Variants in MGRN1 observed in about 807,000 individuals in gnomAD.
MGRN1 encodes E3 ubiquitin-protein ligase MGRN1.
MGRN1 carries 29 observed loss-of-function variants against 69.2 expected under a neutral mutation model. The ratio of observed to expected loss-of-function variants is 0.42; its 90% CI spans 0.31 to 0.57. The LOEUF (loss-of-function observed/expected upper bound fraction) is 0.57, where lower values mean the gene tolerates loss of function less well. Ranked by LOEUF, MGRN1 falls within the 20% of genes least tolerant of loss-of-function variation. The pLI is 0.15. For synonymous variants in MGRN1, 470 were observed against 344.2 expected (o/e 1.37, Z -4.04); for missense variants, 998 against 796.2 (o/e 1.25, Z -3.05).
At chr16:4,686,972 C>A (rs778235149) in intron 16 of MGRN1, 1 of 985,456 alleles carries the variant, frequency 1.0e-6, no homozygotes, top group South Asian at 4.7e-5. Context: ...GAGTATCTTG[C>A]GTCCTGTCCT....
At chr16:4,641,199 C>A (rs906841797) in intron 1 of MGRN1, among the ~76,000 whole-genome samples, 6 of 152,372 alleles carry the variant, frequency 3.9e-5, no homozygotes, top group African/African-American at 1.4e-4. Flanking sequence ...ACATGTGTGT[C>A]ATTCTTCTTG....
At chr16:4,664,656 C>A in intron 5 of MGRN1, 53 bp from the exon 6 acceptor site, 1 of 1,589,398 alleles carries the variant, frequency 6.3e-7, no homozygotes, top group Non-Finnish European at 8.6e-7. Flanking sequence ...CGACTCCAGG[C>A]TTCCAGGCTT....
At chr16:4,642,570 C>T (rs940690358) in intron 1 of MGRN1, among the ~76,000 whole-genome samples, 4 of 151,742 alleles carry the variant, frequency 2.6e-5, no homozygotes, top group South Asian at 2.1e-4. Context: ...GTGATCCGCC[C>T]GCCTCGGCCT....
At position 4,673,529 on chromosome 16, in the gene MGRN1, A is replaced by G. The variant is rs1374620587; in HGVS notation, c.827A>G (p.Asn276Ser). 2 of 1,613,650 alleles carry G rather than the reference A, an allele frequency of 1.2e-6. No homozygotes were observed. The highest frequency in any genetic ancestry group is 1.7e-6 in the Non-Finnish European group (2 of 1,179,982). The change falls in exon 10 of 17, where the codon AAC becomes AGC. Residue 276 changes from asparagine (N) to serine (S), a missense_variant. By Grantham distance (46) the Asn-to-Ser change is conservative (BLOSUM62 1). Coordinates refer to ENST00000262370, the MANE Select transcript of MGRN1 (RefSeq NM_015246.4). ...PSDDENSDNS[N>S]ECVVCLSDLR... ...GACGACGAGAACAGCGACAACAGCA[A>G]CGAGTGTGTGGTGTGCCTGTCCGAC...
intron 5 of MGRN1, chr16:4,664,491 G>A: frequency 1.7e-6 from 1 of 594,274 alleles, no homozygotes; most frequent in Non-Finnish European, 3.0e-6. Flanking sequence ...TTGAAACGTA[G>A]TTAAAATGGC....
intron 10 of MGRN1, 82 bp downstream of exon 10, chr16:4,673,739 C>T: frequency 6.6e-7 from 1 of 1,513,350 alleles, no homozygotes. Flanking sequence ...GGATAGGGGG[C>T]CACAGGTCCG....
At chr16:4,637,862 G>T (rs1468573979) in intron 1 of MGRN1, among the ~76,000 whole-genome samples, 1 of 152,244 alleles carries the variant, frequency 6.6e-6, no homozygotes, top group Non-Finnish European at 1.5e-5. Flanking sequence ...TAGGGGGTGG[G>T]GGCCACCCTG....
intron 1 of MGRN1, chr16:4,640,191 C>G (rs1003588471): frequency 6.6e-6 from 1 of 152,290 alleles, no homozygotes; most frequent in African/African-American, 2.4e-5. Context: ...AAGACGGGCC[C>G]AGAAGGCTTC....
At chr16:4,638,843 C>G (rs571793434) in intron 1 of MGRN1, among the ~76,000 whole-genome samples, 2 of 152,300 alleles carry the variant, frequency 1.3e-5, no homozygotes, top group South Asian at 4.1e-4. Context: ...CCCCCTTCCT[C>G]GGGTGGGAAC....
At chr16:4,670,487 C>G (rs1438971819) in intron 8 of MGRN1, among the ~76,000 whole-genome samples, 1 of 152,260 alleles carries the variant, frequency 6.6e-6, no homozygotes, top group African/African-American at 2.4e-5. Context: ...AAGTGATCCA[C>G]CAGCCTCGGC....
At chr16:4,639,266 A>G (rs2078105053) in intron 1 of MGRN1, among the ~76,000 whole-genome samples, 1 of 152,084 alleles carries the variant, frequency 6.6e-6, no homozygotes, top group Non-Finnish European at 1.5e-5. Flanking sequence ...CAGTGACACT[A>G]TGAGGAGAAT....
At chr16:4,681,361 G>T in intron 12 of MGRN1, 189 bp from the exon 13 acceptor site, 1 of 594,296 alleles carries the variant, frequency 1.7e-6, no homozygotes, top group Non-Finnish European at 2.9e-6. Flanking sequence ...TGGGCATCCA[G>T]CCCCGTGCTG....
chr16:4,673,077 A>G (rs867141489), intron 9 of MGRN1, among the ~76,000 whole-genome samples: 3 of 152,302 alleles, frequency 2.0e-5, no homozygotes, highest in South Asian at 4.1e-4. Flanking sequence ...TGACCTCGTG[A>G]TCTGCCCGCC....
chr16:4,636,776 C>G (rs1406880866), intron 1 of MGRN1, among the ~76,000 whole-genome samples: 2 of 152,068 alleles, frequency 1.3e-5, no homozygotes, highest in Non-Finnish European at 2.9e-5. Flanking sequence ...AATTGGCCAT[C>G]TGTTTCTTGT....
At chr16:4,677,833 G>T (rs1477881797) in intron 11 of MGRN1, among the ~76,000 whole-genome samples, 1 of 124,870 alleles carries the variant, frequency 8.0e-6, no homozygotes, top group African/African-American at 2.9e-5. Flanking sequence ...GTGGAGCCAG[G>T]TGCTTTTTTT....
chr16:4,641,549 C>T (rs1172751833), intron 1 of MGRN1, among the ~76,000 whole-genome samples: 1 of 144,594 alleles, frequency 6.9e-6, no homozygotes, highest in African/African-American at 2.6e-5. Context: ...CAGCGTTTTG[C>T]TCTTGTTGCC....
At chr16:4,687,767 C>T (rs369999848) in intron 16 of MGRN1, 2 of 985,456 alleles carry the variant, frequency 2.0e-6, no homozygotes, top group Admixed American at 6.1e-5. Flanking sequence ...GCCGGGGGTG[C>T]AGGCTCTAAG....
At position 4,683,867 on chromosome 16, in the gene MGRN1, A is replaced by T. The variant is rs770725695; in HGVS notation, c.1553A>T (p.Asn518Ile). 4 of 1,559,154 alleles carry T rather than the reference A, an allele frequency of 2.6e-6. No homozygotes were observed. The African/African-American group carries it at 4.1e-5, about 16-fold the overall frequency. The change falls in exon 16 of 17, where the codon AAT (asparagine) becomes ATT (isoleucine). Residue 518 changes from asparagine (N) to isoleucine (I), a missense_variant. Physicochemically the swap from Asn to Ile is moderately radical, Grantham distance 149. Transcript: ENST00000262370. ...GGGACCCGAGCAGCTTCCATTGAGA[A>T]TGTCCTGCAGGACAGCAGCCCCGAG... is the stretch of plus-strand genomic sequence containing the variant. ...QQGTRAASIE[N>I]VLQDSSPEHC... is the part of the protein sequence containing the mutation.
At chr16:4,639,318 T>G (rs841171) in intron 1 of MGRN1, among the ~76,000 whole-genome samples, 39,334 of 151,802 alleles carry the variant, frequency 0.26, 6,028 homozygotes, top group African/African-American at 0.43. Flanking sequence ...TTGGCCTGCG[T>G]GGTGGTCCAG....
Sources: allele counts gnomAD v4.1 joint callset (sites outside exome capture counted in the v4.1 genomes callset), GRCh38; gene constraint gnomAD v4.1.1; transcripts MANE v1.5; gene names NCBI Gene and HGNC (gene_info 2026-07-23, HGNC 2026-07-21).